MORN1: variants seen among roughly 807,000 people sequenced by gnomAD.
MORN1 encodes MORN repeat containing 1, also known as MORN repeat-containing protein 1.
In MORN1, 67 loss-of-function variants were observed where a neutral mutation model predicts 61.9. That is an observed-to-expected ratio of 1.08 (90% confidence interval 0.89 to 1.33). The LOEUF (loss-of-function observed/expected upper bound fraction) is 1.33, where lower values mean the gene tolerates loss of function less well. Ranked by LOEUF, MORN1 falls within the 40% of genes most tolerant of loss-of-function variation. The pLI is 0.00. For missense variants in MORN1, 752 were observed against 691.2 expected, an observed-to-expected ratio of 1.09 and a Z score of -0.99; for synonymous variants, 301 against 292.0, an observed-to-expected ratio of 1.03 and a Z score of -0.31.
In MORN1 at chr1:2,323,350, C is replaced by T. The variant is rs942955226; in HGVS notation, c.1297+747G>A. Reference sequence around the variant, plus strand: ...ATCCAGACCCCAGTGAGCAGCGGGTCCAGACCTTCCAGCCTTTGGCTCTCC... The same window carrying T: ...ATCCAGACCCCAGTGAGCAGCGGGTTCAGACCTTCCAGCCTTTGGCTCTCC... On this transcript the variant is annotated intron_variant, in intron 13 of 13. Transcript: ENST00000378531. 9.3e-5 allele frequency: 92 copies of T among 985,346 alleles called. 1 individual carries two copies. Among genetic ancestry groups the T allele is most frequent in the Non-Finnish European group, 9.8e-5 (81 of 829,938 alleles). The allele number at this position is 985,346 out of a possible 1,614,324, so 61.0% of individuals were successfully genotyped here.
At chr1:2,381,709 G>A (rs1191454660) in intron 6 of MORN1, among the ~76,000 whole-genome samples, 2 of 152,158 alleles carry the variant, frequency 1.3e-5, no homozygotes, top group East Asian at 3.9e-4. Context: ...ACCACCAAGG[G>A]GAGAAACCAT....
intron 8 of MORN1, among the ~76,000 whole-genome samples, chr1:2,359,106 C>A (rs1641839357): frequency 6.6e-6 from 1 of 152,214 alleles, no homozygotes; most frequent in Non-Finnish European, 1.5e-5. Flanking sequence ...CAGGGCTTCA[C>A]CTCAGGCACA....
rs1370115343 is a variant in MORN1 at position 2,334,325 on chromosome 1, C to T, written c.1250+2144G>A. On this transcript the variant is annotated intron_variant, in intron 12 of 13. Transcript: ENST00000378531. The surrounding 1 kb of genome is among the most constrained non-coding windows in gnomAD (Gnocchi z 5.4). ...CAGGCTCCATGGAGGACGAGAGGCA[C>T]AGGCCCAGGTTTGTCTCTAAGTCGC... 2.0e-5 allele frequency among the ~76,000 whole-genome samples: 3 copies of T among 152,182 alleles called. No homozygotes were observed. The South Asian group carries it at 6.2e-4, about 32-fold the overall frequency.
chr1:2,332,706 G>A (rs1393113444), intron 12 of MORN1: 2 of 456,410 alleles, frequency 4.4e-6, no homozygotes, highest in Admixed American at 2.3e-5. Context: ...TCTGTGCCTC[G>A]AGATTTGGAG....
chr1:2,389,969 G>A lies in MORN1; in HGVS notation c.104C>T (p.Ser35Phe), dbSNP rs373589012. 29 of 1,614,116 alleles carry A rather than the reference G, an allele frequency of 1.8e-5. No homozygotes were observed. The highest frequency in any genetic ancestry group is 1.2e-4 in the South Asian group (11 of 91,090). Residue 35 changes from serine to phenylalanine, a missense_variant, in exon 2 of 14, where the codon TCC becomes TTC. By Grantham distance (155) the Ser-to-Phe change is radical. Coordinates refer to ENST00000378531, the MANE Select transcript of MORN1 (RefSeq NM_024848.3). ...CCATTCTCCTTCATATCGAAAGAAG[G>A]AATTTGGGTATACGTAGACACCATA... ...NGYGVYVYPN[S>F]FFRYEGEWKA...
At position 2,357,942 on chromosome 1, in the gene MORN1, G is replaced by T. The variant is rs576685953; in HGVS notation, c.870-344C>A. Reference sequence around the variant, plus strand: ...ATGTCAGACAGTCCTTAACTCAGGAGAAGGGCCGGTGGGAAAAGGGAGTGT... The same window carrying T: ...ATGTCAGACAGTCCTTAACTCAGGATAAGGGCCGGTGGGAAAAGGGAGTGT... On this transcript the variant is annotated intron_variant, in intron 9 of 13. Coordinates refer to ENST00000378531, the MANE Select transcript of MORN1 (RefSeq NM_024848.3). This position sits in a 1 kb window ranked among gnomAD's most constrained non-coding sequence, Gnocchi z 6.3. Among the ~76,000 whole-genome samples the T allele has an allele frequency of 6.6e-6, 1 of 152,328 alleles. No homozygotes were observed. The highest frequency in any genetic ancestry group is 2.4e-5 in the African/African-American group (1 of 41,576).
chr1:2,342,998 C>T (rs189311366), intron 10 of MORN1, among the ~76,000 whole-genome samples: 50 of 151,858 alleles, frequency 3.3e-4, no homozygotes, highest in African/African-American at 1.2e-3. Context: ...CTCAGCCTCC[C>T]AAAGTGCTGG....
rs141687009 is a variant in MORN1, at chr1:2,337,079, G to A, written c.1037-229C>T. On this transcript the variant is annotated intron_variant, in intron 10 of 13. Transcript: ENST00000378531. The surrounding 1 kb of genome is among the most constrained non-coding windows in gnomAD (Gnocchi z 5.7). ...GTCCTCCGTGTCCACGGCCTCTGAC[G>A]CCCCCGCCCCCTTCTGAGTCCACCC... 3.1e-3 allele frequency among the ~76,000 whole-genome samples: 478 copies of A among 152,042 alleles called. 4 individuals carry two copies. The highest frequency in any genetic ancestry group is 0.011 in the African/African-American group (459 of 41,466).
At chr1:2,380,125 G>T (rs1642338347) in intron 6 of MORN1, among the ~76,000 whole-genome samples, 1 of 152,186 alleles carries the variant, frequency 6.6e-6, no homozygotes, top group Admixed American at 6.5e-5. Flanking sequence ...CGCGCCGGGT[G>T]AAACAAGCCT....
chr1:2,356,595 C>A (rs543923264), intron 10 of MORN1, among the ~76,000 whole-genome samples: 1 of 152,278 alleles, frequency 6.6e-6, no homozygotes, highest in Non-Finnish European at 1.5e-5. Flanking sequence ...CCCCCACGCC[C>A]GACCCCCGTT....
At chr1:2,353,592 G>C (rs865999967) in intron 10 of MORN1, among the ~76,000 whole-genome samples, 22 of 152,260 alleles carry the variant, frequency 1.4e-4, no homozygotes, top group African/African-American at 5.1e-4. Flanking sequence ...GATTACTTTA[G>C]TTTTCTCCTA....
In MORN1 at chr1:2,348,474, C is replaced by T. The variant is rs554862028; in HGVS notation, c.1036+8958G>A. Among the ~76,000 whole-genome samples the T allele has an allele frequency of 1.7e-4, 26 of 152,316 alleles. 1 individual carries two copies. In the South Asian group the frequency reaches 5.0e-3, roughly 29 times the overall value. ...CCATCCTGCCCCAGCCTGGATCCGC[C>T]GCTTCTCCAGGGAACCCCGGTTCTT... On this transcript the variant is annotated intron_variant, in intron 10 of 13. Coordinates refer to ENST00000378531, the MANE Select transcript of MORN1 (RefSeq NM_024848.3).
At chr1:2,333,468 C>T (rs749081079) in intron 12 of MORN1, among the ~76,000 whole-genome samples, 16 of 152,218 alleles carry the variant, frequency 1.1e-4, no homozygotes, top group Non-Finnish European at 2.1e-4. Flanking sequence ...AATACAGGAC[C>T]GTGCCAGGGT....
In MORN1 at chr1:2,372,556, C is replaced by A. The variant is rs756262438; in HGVS notation, c.670G>T (p.Val224Leu). The A allele has an allele frequency of 1.2e-6, 2 of 1,613,680 alleles. No homozygotes were observed. The highest frequency in any genetic ancestry group is 1.7e-6 in the Non-Finnish European group (2 of 1,179,944). Residue 224 changes from valine (V) to leucine (L), a missense_variant, in exon 8 of 14, where the codon GTG (valine) becomes TTG (leucine). Coordinates refer to ENST00000378531, the MANE Select transcript of MORN1 (RefSeq NM_024848.3). The surrounding 1 kb of genome is among the most constrained non-coding windows in gnomAD (Gnocchi z 5.4). Reference sequence around the variant, plus strand: ...GGAGACCCTTGGGCCACTTCCATCACCTCCGGACCCAAGATCACGATCCTC... The same window carrying A: ...GGAGACCCTTGGGCCACTTCCATCAACTCCGGACCCAAGATCACGATCCTC... Reference protein sequence around the residue: ...ATRIVILGPEVMEVAQGSPFS... With the variant: ...ATRIVILGPELMEVAQGSPFS...
chr1:2,351,893 TA>T (rs747873180), intron 10 of MORN1: 3 of 498,584 alleles, frequency 6.0e-6, no homozygotes, highest in Non-Finnish European at 1.2e-5. Context: ...TGTCCACAGT[TA>T]AACTTGGAGC....
intron 6 of MORN1, chr1:2,375,999 C>G (rs1642225779): frequency 6.6e-6 from 1 of 152,312 alleles, no homozygotes; most frequent in Admixed American, 6.5e-5. Flanking sequence ...GGCCCCAGAG[C>G]TGACCACATG....
At chr1:2,362,884 T>A (rs1437191381) in intron 8 of MORN1, among the ~76,000 whole-genome samples, 1 of 151,302 alleles carries the variant, frequency 6.6e-6, no homozygotes, top group Non-Finnish European at 1.5e-5. Context: ...GAAACTAAAA[T>A]CAAGATGTTT....
intron 8 of MORN1, among the ~76,000 whole-genome samples, chr1:2,368,171 C>G (rs1642036918): frequency 6.6e-6 from 1 of 152,214 alleles, no homozygotes; most frequent in South Asian, 2.1e-4. Flanking sequence ...TAGAATATGT[C>G]AAGAACTCTT....
At chr1:2,383,273 C>T (rs1642412593) in intron 6 of MORN1, among the ~76,000 whole-genome samples, 1 of 152,210 alleles carries the variant, frequency 6.6e-6, no homozygotes, top group Admixed American at 6.5e-5. Flanking sequence ...CTCCTATGGC[C>T]AGGGCCAGTG....
Sources: allele counts gnomAD v4.1 joint callset (sites outside exome capture counted in the v4.1 genomes callset), GRCh38; gene constraint gnomAD v4.1.1; non-coding constraint Gnocchi (gnomAD v3.1); transcripts MANE v1.5; gene names NCBI Gene and HGNC (gene_info 2026-07-23, HGNC 2026-07-21).